FBXL2: variants seen among roughly 807,000 people sequenced by gnomAD.
FBXL2 encodes F-box and leucine rich repeat protein 2, also known as F-box/LRR-repeat protein 2.
In FBXL2, 38 loss-of-function variants were observed where a neutral mutation model predicts 69.2. The ratio of observed to expected loss-of-function variants is 0.55; its 90% CI spans 0.42 to 0.72. FBXL2 has a LOEUF of 0.72. FBXL2 is among the 30% of genes least tolerant of loss of function. FBXL2 has a pLI of 0.00. For synonymous variants in FBXL2, 192 were observed against 201.3 expected (o/e 0.95, Z 0.39); for missense variants, 354 against 520.3 (o/e 0.68, Z 3.11).
chr3:33,414,185 T>C, the FBXL2 span: 1 of 151,448 alleles, frequency 6.6e-6, no homozygotes, highest in Non-Finnish European at 1.5e-5. Context: ...GTCTAGCAGG[T>C]TTTCCAGTTT....
intron 2 of FBXL2, chr3:33,317,590 G>A: frequency 2.2e-6 from 1 of 450,254 alleles, no homozygotes. Context: ...ATATTATGAA[G>A]CCCGCCTTAT....
chr3:33,347,603 C>T (rs1411471731), intron 2 of FBXL2, among the ~76,000 whole-genome samples: 1 of 152,094 alleles, frequency 6.6e-6, no homozygotes, highest in African/African-American at 2.4e-5. Context: ...CCAAACTGTT[C>T]TTCATAACAG....
intron 2 of FBXL2, among the ~76,000 whole-genome samples, chr3:33,302,288 T>C (rs969248342): frequency 3.3e-5 from 5 of 152,208 alleles, no homozygotes; most frequent in African/African-American, 7.2e-5. Flanking sequence ...TACTATCTTA[T>C]ATTAAACTGA....
chr3:33,412,581 C>CA, the FBXL2 span: 15,257 of 499,064 alleles, frequency 0.031, no homozygotes, highest in Non-Finnish European at 0.037. Context: ...GGCTCTGTCT[C>CA]AAAAAAAAAA....
intron 1 of FBXL2, 133 bp from the exon 2 acceptor site, chr3:33,297,531 G>A: frequency 1.7e-6 from 1 of 594,370 alleles, no homozygotes. Flanking sequence ...TATGGTGGCT[G>A]CATGAAATTA....
chr3:33,394,938 T>C (rs1264504373), intron 12 of FBXL2, among the ~76,000 whole-genome samples: 3 of 151,912 alleles, frequency 2.0e-5, no homozygotes, highest in Non-Finnish European at 2.9e-5. Context: ...ACCCTATGTA[T>C]GATCTAAAGA....
chr3:33,402,446 A>G (rs1350252315), intron 12 of FBXL2, among the ~76,000 whole-genome samples: 1 of 152,236 alleles, frequency 6.6e-6, no homozygotes. Context: ...CATTACAGAC[A>G]AGTGAATGAA....
intron 2 of FBXL2, among the ~76,000 whole-genome samples, chr3:33,324,296 T>C (rs1055651533): frequency 2.0e-4 from 30 of 152,134 alleles, no homozygotes; most frequent in African/African-American, 7.0e-4. Context: ...TGCAGAAGCT[T>C]TTTAGTTTAA....
At chr3:33,333,831 A>G (rs1332955977) in intron 2 of FBXL2, among the ~76,000 whole-genome samples, 1 of 152,168 alleles carries the variant, frequency 6.6e-6, no homozygotes, top group East Asian at 1.9e-4. Context: ...TCTCGCAGAG[A>G]TTGATTCAGT....
At chr3:33,376,156 C>CAA (rs759277673) in intron 10 of FBXL2, among the ~76,000 whole-genome samples, 34,352 of 136,186 alleles carry the variant, frequency 0.25, 4,639 homozygotes, top group East Asian at 0.48. Flanking sequence ...GACCCCATCT[C>CAA]AAAAAAAAAA....
chr3:33,280,679 C>G (rs117596510), intron 1 of FBXL2, among the ~76,000 whole-genome samples: 1 of 147,866 alleles, frequency 6.8e-6, no homozygotes, highest in East Asian at 2.0e-4. Flanking sequence ...CACCACTGCC[C>G]TCCAGTCTGG....
chr3:33,422,174 A>C, the FBXL2 span, among the ~76,000 whole-genome samples: 1 of 152,218 alleles, frequency 6.6e-6, no homozygotes, highest in Non-Finnish European at 1.5e-5. Flanking sequence ...TCAGTAGACA[A>C]AGAGGTAGGG....
chr3:33,403,145 A>G (rs2044294354), intron 12 of FBXL2: 1 of 420,504 alleles, frequency 2.4e-6, no homozygotes, highest in Non-Finnish European at 4.3e-6. Context: ...ACAGCAGCAA[A>G]AATTTATAAA....
intron 12 of FBXL2, among the ~76,000 whole-genome samples, chr3:33,399,354 G>A (rs150280844): frequency 1.8e-3 from 271 of 152,230 alleles, no homozygotes; most frequent in Middle Eastern, 6.8e-3. Flanking sequence ...GAGAAGCAGT[G>A]CTTGATACCT....
chr3:33,367,043 G>C (rs954728331), intron 5 of FBXL2, among the ~76,000 whole-genome samples: 1 of 151,868 alleles, frequency 6.6e-6, no homozygotes, highest in African/African-American at 2.4e-5. Flanking sequence ...TATTGAAGCC[G>C]TCTGCTCCTA....
At chr3:33,396,270 G>T in intron 12 of FBXL2, 1 of 1,578,574 alleles carries the variant, frequency 6.3e-7, no homozygotes, top group Non-Finnish European at 8.7e-7. Context: ...GTTAAACGGG[G>T]TCTAACCGAC....
chr3:33,323,803 A>T (rs2038444525), intron 2 of FBXL2, among the ~76,000 whole-genome samples: 1 of 152,030 alleles, frequency 6.6e-6, no homozygotes, highest in Non-Finnish European at 1.5e-5. Context: ...GAATGATATA[A>T]TCCTTTGGGT....
At chr3:33,412,312 C>T in the FBXL2 span, among the ~76,000 whole-genome samples, 1 of 151,462 alleles carries the variant, frequency 6.6e-6, no homozygotes. Flanking sequence ...ACAACTCTCT[C>T]GGTTCTTTAT....
At position 33,285,991 on chromosome 3, in the gene FBXL2, T is replaced by G. The variant is rs370497558; in HGVS notation, c.3+8476T>G. 9.8e-4 allele frequency among the ~76,000 whole-genome samples: 149 copies of G among 152,336 alleles called. 1 individual carries two copies. Among genetic ancestry groups the G allele is most frequent in the African/African-American group, 3.5e-3 (144 of 41,584 alleles). On this transcript the variant is annotated intron_variant, in intron 1 of 14. Transcript: ENST00000484457. Reference sequence around the variant, plus strand: ...TTTGCGATGGGTTCGAACATCCTCCTTTAGCTTGGAGAAGTTTGTTATTAC... The same window carrying G: ...TTTGCGATGGGTTCGAACATCCTCCGTTAGCTTGGAGAAGTTTGTTATTAC...
Sources: gnomAD v4.1 joint callset for allele counts (sites outside exome capture counted in the v4.1 genomes callset) on GRCh38, gnomAD v4.1.1 for gene constraint, MANE v1.5 for transcripts, NCBI Gene and HGNC (gene_info 2026-07-23, HGNC 2026-07-21) for gene names.